ZNF577: variants seen among roughly 807,000 people sequenced by gnomAD.
ZNF577 encodes zinc finger protein 577.
In ZNF577, 14 loss-of-function variants were observed where a neutral mutation model predicts 13.9. That is an observed-to-expected ratio of 1.00 (90% confidence interval 0.66 to 1.57). The LOEUF is 1.57. ZNF577 is among the 40% of genes most tolerant of loss of function. ZNF577 has a pLI of 0.00. For synonymous variants in ZNF577, 203 were observed against 202.9 expected, an observed-to-expected ratio of 1.00 and a Z score of 0.00; for missense variants, 555 against 579.2, an observed-to-expected ratio of 0.96 and a Z score of 0.43.
chr19:51,809,784 T>C (rs1225435289), intron 10 of ZNF577, among the ~76,000 whole-genome samples: 2 of 152,184 alleles, frequency 1.3e-5, no homozygotes, highest in Admixed American at 6.5e-5. Flanking sequence ...ACCCATTCTT[T>C]GACTGGGAGA....
At chr19:51,857,388 A>G (rs1174613399) in intron 5 of ZNF577, among the ~76,000 whole-genome samples, 1 of 119,770 alleles carries the variant, frequency 8.3e-6, no homozygotes, top group Non-Finnish European at 1.6e-5. Context: ...GAAAGAAAGA[A>G]AGAAAGAAAG....
At chr19:51,865,844 C>T (rs551432877), downstream of ZNF577, among the ~76,000 whole-genome samples, 41 of 152,030 alleles carry the variant, frequency 2.7e-4, no homozygotes, top group African/African-American at 9.4e-4. Context: ...TGGCTGGGTG[C>T]GGTGGCTCAC....
chr19:51,857,394 G>GA (rs1203689121), intron 5 of ZNF577, among the ~76,000 whole-genome samples: 1 of 119,294 alleles, frequency 8.4e-6, no homozygotes, highest in Non-Finnish European at 1.7e-5. Flanking sequence ...AAGAAAGAAA[G>GA]AAAGAAAGAA....
At chr19:51,814,282 G>A (rs1472277400) in intron 9 of ZNF577, among the ~76,000 whole-genome samples, 2 of 152,120 alleles carry the variant, frequency 1.3e-5, no homozygotes, top group Non-Finnish European at 2.9e-5. Context: ...CATCTCCTCC[G>A]ATTTAGACCT....
At chr19:51,807,214 A>G (rs2084065356) in intron 10 of ZNF577, among the ~76,000 whole-genome samples, 1 of 129,484 alleles carries the variant, frequency 7.7e-6, no homozygotes, top group Non-Finnish European at 1.6e-5. Context: ...GATAGCAGGA[A>G]GTGGGGGGGG....
intron 5 of ZNF577, among the ~76,000 whole-genome samples, chr19:51,851,868 T>C (rs907617002): frequency 1.3e-5 from 2 of 152,214 alleles, no homozygotes; most frequent in Non-Finnish European, 2.9e-5. Flanking sequence ...AACACAATGA[T>C]GTCTTTAGGA....
At chr19:51,834,903 T>G (rs1026893734) in intron 9 of ZNF577, among the ~76,000 whole-genome samples, 1 of 152,040 alleles carries the variant, frequency 6.6e-6, no homozygotes, top group African/African-American at 2.4e-5. Context: ...CAGACTGCTC[T>G]TGAACTCCTG....
At chr19:51,845,883 G>A (rs2084348879) in intron 5 of ZNF577, among the ~76,000 whole-genome samples, 1 of 152,164 alleles carries the variant, frequency 6.6e-6, no homozygotes, top group East Asian at 1.9e-4. Context: ...TGGACACCTA[G>A]GTTGATTACC....
At chr19:51,819,839 G>A (rs1427524698) in intron 9 of ZNF577, among the ~76,000 whole-genome samples, 1 of 152,184 alleles carries the variant, frequency 6.6e-6, no homozygotes, top group Non-Finnish European at 1.5e-5. Context: ...GAAGGGATAG[G>A]ATAATGGTTA....
chr19:51,852,687 T>C (rs375487583), intron 5 of ZNF577, among the ~76,000 whole-genome samples: 4 of 152,088 alleles, frequency 2.6e-5, no homozygotes, highest in East Asian at 3.9e-4. Context: ...TAGAAGGTGA[T>C]AGGTGGGATG....
At chr19:51,823,482 C>T (rs138224938) in intron 9 of ZNF577, among the ~76,000 whole-genome samples, 10 of 152,212 alleles carry the variant, frequency 6.6e-5, no homozygotes, top group East Asian at 3.9e-4. Context: ...TCAGTATTTC[C>T]GCTGGTGGAC....
intron 5 of ZNF577, among the ~76,000 whole-genome samples, chr19:51,851,423 T>C (rs1013274062): frequency 1.3e-5 from 2 of 152,140 alleles, no homozygotes; most frequent in Non-Finnish European, 2.9e-5. Context: ...CAAATATACA[T>C]TAAGTATTTA....
chr19:51,818,225 T>G (rs909714012), intron 9 of ZNF577, among the ~76,000 whole-genome samples: 2 of 152,216 alleles, frequency 1.3e-5, no homozygotes, highest in Non-Finnish European at 2.9e-5. Context: ...ACGCCATGTA[T>G]CTCATTAATA....
chr19:51,855,367 C>CTCTGTGTGTGTG (rs1415147303), intron 5 of ZNF577, among the ~76,000 whole-genome samples: 5 of 143,460 alleles, frequency 3.5e-5, no homozygotes, highest in African/African-American at 1.3e-4. Flanking sequence ...GCTGAGGGTG[C>CTCTGTGTGTGTG]TGTGTGTGTG....
chr19:51,875,986 C>T (rs1423748862), intron 5 of ZNF577, among the ~76,000 whole-genome samples: 2 of 151,996 alleles, frequency 1.3e-5, no homozygotes, highest in Admixed American at 6.6e-5. Context: ...GACCAGGCAC[C>T]GGAGTGATGA....
At position 51,833,858 on chromosome 19, in the gene ZNF577, ATAT is replaced by A. The variant is rs1318952220; in HGVS notation, c.*599+6032_*599+6034del. ...TTAGATTAACAGTTAGGGGTACAATATATTTTTTTCTTTTAGTTTTAGTTCACA... is the reference window on the plus strand; with the variant it reads ...TTAGATTAACAGTTAGGGGTACAATATTTTTTCTTTTAGTTTTAGTTCACA... On this transcript the variant is annotated intron_variant and NMD_transcript_variant, in intron 9 of 10. Transcript: ENST00000638827. Among the ~76,000 whole-genome samples the A allele has an allele frequency of 2.6e-5, 4 of 152,160 alleles. No individual in the cohort carries two copies. The East Asian group carries it at 7.7e-4, about 29-fold the overall frequency.
At chr19:51,814,206 T>C (rs566986654) in intron 9 of ZNF577, among the ~76,000 whole-genome samples, 1 of 152,354 alleles carries the variant, frequency 6.6e-6, no homozygotes, top group East Asian at 1.9e-4. Context: ...TCCACTTGTC[T>C]TCATGGTTGT....
At chr19:51,820,021 C>T (rs138947637) in intron 9 of ZNF577, among the ~76,000 whole-genome samples, 8 of 151,796 alleles carry the variant, frequency 5.3e-5, no homozygotes, top group South Asian at 2.1e-4. Context: ...AGCAAGGGCA[C>T]GTAAATTGAG....
chr19:51,827,344 T>C (rs147848018), intron 9 of ZNF577, among the ~76,000 whole-genome samples: 2 of 152,302 alleles, frequency 1.3e-5, no homozygotes, highest in African/African-American at 4.8e-5. Context: ...TTTTTGCAAA[T>C]GTGGTTTCAC....
Sources: allele counts gnomAD v4.1 joint callset (sites outside exome capture counted in the v4.1 genomes callset), GRCh38; gene constraint gnomAD v4.1.1; transcripts MANE v1.5; gene names NCBI Gene and HGNC (gene_info 2026-07-23, HGNC 2026-07-21).